Variants in ATP10B observed in about 807,000 individuals in gnomAD.
The protein encoded by ATP10B is phospholipid-transporting ATPase VB.
ATP10B carries 122 observed loss-of-function variants against 141.2 expected under a neutral mutation model. That is an observed-to-expected ratio of 0.86 (90% CI 0.75 to 1.00). The LOEUF (loss-of-function observed/expected upper bound fraction) is 1.00. ATP10B is among the 50% of genes least tolerant of loss of function. The pLI is 0.00. For synonymous variants in ATP10B, 685 were observed against 692.0 expected (o/e 0.99, Z 0.16); for missense variants, 1,876 against 1,825.3 (o/e 1.03, Z -0.51).
Position 160,730,313 on chromosome 5 carries a change from C to T in ATP10B, c.-330-13279G>A, listed in dbSNP as rs180955208. Among the ~76,000 whole-genome samples the T allele has an allele frequency of 1.4e-3, 208 of 152,174 alleles. 1 individual carries two copies. Among genetic ancestry groups the T allele is most frequent in the African/African-American group, 4.8e-3 (200 of 41,514 alleles). On this transcript the variant is annotated intron_variant, in intron 2 of 25. Transcript: ENST00000327245. ...CAAGTCTGTGTTCTCAACTTTCATA[C>T]CTGCTACCTGCTGTCTCATTTCATT...
intron 12 of ATP10B, chr5:160,633,432 C>T (rs1759080930): frequency 6.6e-6 from 1 of 152,070 alleles, no homozygotes; most frequent in African/African-American, 2.4e-5. Context: ...AACAGGAAAC[C>T]ATCAGCAAAC....
the ATP10B span, among the ~76,000 whole-genome samples, chr5:160,896,565 C>CA: frequency 1.3e-5 from 2 of 152,160 alleles, no homozygotes; most frequent in East Asian, 1.9e-4. Flanking sequence ...GCCTATTAAT[C>CA]AAAAAAAGCC....
At chr5:160,750,903 C>T (rs62390748) in intron 2 of ATP10B, among the ~76,000 whole-genome samples, 13,681 of 152,172 alleles carry the variant, frequency 0.09, 1,012 homozygotes, top group East Asian at 0.32. Context: ...ACCAGAAATG[C>T]CCCAGGACTT....
In ATP10B at chr5:160,645,734, AAAT is replaced by A. The variant is rs137983616; in HGVS notation, c.762-1493_762-1491del. 8.7e-3 allele frequency among the ~76,000 whole-genome samples: 1,327 copies of A among 152,320 alleles called. 16 individuals carry two copies. The highest frequency in any genetic ancestry group is 0.03 in the African/African-American group (1,248 of 41,562). On this transcript the variant is annotated intron_variant, in intron 8 of 25. Coordinates refer to ENST00000327245, the MANE Select transcript of ATP10B (RefSeq NM_025153.3). Reference sequence around the variant, plus strand: ...TCCAAACCTATTTGGGAGAACAAAAAAATAATAATCCGAACTCTTAGAGCTCTT... The same window carrying A: ...TCCAAACCTATTTGGGAGAACAAAAAAATAATCCGAACTCTTAGAGCTCTT...
In ATP10B at chr5:160,646,888, A is replaced by G. The variant is rs111376744; in HGVS notation, c.761+2283T>C. On this transcript the variant is annotated intron_variant, in intron 8 of 25. Coordinates refer to ENST00000327245, the MANE Select transcript of ATP10B (RefSeq NM_025153.3). ...GCCAGCATTTCTCAACCTTGGTGTT[A>G]TGAACATTTTGGACTACACAATTCT... Among the ~76,000 whole-genome samples, 311 of 152,316 alleles carry G rather than the reference A, an allele frequency of 2.0e-3. 1 individual carries two copies. The highest frequency in any genetic ancestry group is 7.1e-3 in the African/African-American group (295 of 41,560).
chr5:160,577,169 T>A (rs1279628827), intron 24 of ATP10B, among the ~76,000 whole-genome samples: 1 of 152,184 alleles, frequency 6.6e-6, no homozygotes, highest in African/African-American at 2.4e-5. Flanking sequence ...AATATCATCT[T>A]TTATAGCAAA....
the ATP10B span, among the ~76,000 whole-genome samples, chr5:160,890,217 A>G: frequency 5.9e-5 from 9 of 152,384 alleles, no homozygotes; most frequent in African/African-American, 1.9e-4. Context: ...TGTAGAATTA[A>G]TAAAGAAATT....
Position 160,636,067 on chromosome 5 carries a change from T to C in ATP10B, c.1128+115A>G, listed in dbSNP as rs1012648116. 7 of 1,238,802 alleles carry C rather than the reference T, an allele frequency of 5.7e-6. No homozygotes were observed. In the Admixed American group the frequency reaches 1.3e-4, roughly 23 times the overall value. 76.7% of individuals were successfully genotyped at this position (1,238,802 alleles called of 1,614,324 possible). On this transcript the variant is annotated intron_variant, in intron 11 of 25. Coordinates refer to ENST00000327245, the MANE Select transcript of ATP10B (RefSeq NM_025153.3). ...CAAGAAAGCGATGACCATCTCCTCA[T>C]CTCAATCCAGTTTGTACTTTCTAGT... is the stretch of plus-strand genomic sequence containing the variant.
At chr5:160,665,173 C>T (rs1202668837) in intron 7 of ATP10B, among the ~76,000 whole-genome samples, 1 of 152,082 alleles carries the variant, frequency 6.6e-6, no homozygotes, top group African/African-American at 2.4e-5. Flanking sequence ...TAGATTTAGT[C>T]CAAGAAGAAT....
chr5:160,922,883 T>C, the ATP10B span, among the ~76,000 whole-genome samples: 1 of 152,240 alleles, frequency 6.6e-6, no homozygotes, highest in African/African-American at 2.4e-5. Flanking sequence ...TCCCCACATA[T>C]AGCCCCTGCT....
chr5:160,654,181 T>C (rs1309111620), intron 7 of ATP10B, among the ~76,000 whole-genome samples: 2 of 151,524 alleles, frequency 1.3e-5, no homozygotes, highest in East Asian at 1.9e-4. Context: ...CCTAGGATGG[T>C]CTCAAACTCC....
chr5:160,756,043 C>T (rs1030312664), intron 2 of ATP10B, among the ~76,000 whole-genome samples: 1 of 151,190 alleles, frequency 6.6e-6, no homozygotes, highest in Admixed American at 6.6e-5. Context: ...TCCATCAACC[C>T]AGAAGCTTCT....
chr5:160,803,088 G>C (rs562087175), intron 1 of ATP10B, among the ~76,000 whole-genome samples: 2 of 152,252 alleles, frequency 1.3e-5, no homozygotes, highest in South Asian at 4.1e-4. Context: ...GGCTTCTGTT[G>C]GCTCACTTGG....
intron 13 of ATP10B, among the ~76,000 whole-genome samples, chr5:160,629,289 C>T (rs1758783215): frequency 1.3e-5 from 2 of 152,076 alleles, no homozygotes; most frequent in South Asian, 4.2e-4. Context: ...CTTCAAGGAT[C>T]TGACACCAGC....
chr5:160,885,123 A>T, the ATP10B span, among the ~76,000 whole-genome samples: 1 of 152,254 alleles, frequency 6.6e-6, no homozygotes, highest in Non-Finnish European at 1.5e-5. Flanking sequence ...GAATAGGCAG[A>T]GTATATAAAA....
intron 6 of ATP10B, among the ~76,000 whole-genome samples, chr5:160,682,062 T>C (rs1274626652): frequency 6.6e-6 from 1 of 152,242 alleles, no homozygotes; most frequent in Admixed American, 6.5e-5. Context: ...CTGCTTTTTA[T>C]AAACTATTCA....
intron 5 of ATP10B, 119 bp from the exon 6 acceptor site, chr5:160,686,392 A>T: frequency 1.5e-6 from 1 of 673,530 alleles, no homozygotes; most frequent in East Asian, 2.9e-5. Context: ...GTATCACCTC[A>T]AACATTATGG....
the ATP10B span, among the ~76,000 whole-genome samples, chr5:160,865,465 C>G: frequency 6.6e-6 from 1 of 151,948 alleles, no homozygotes; most frequent in Non-Finnish European, 1.5e-5. Context: ...TGAAACCATA[C>G]AAATTCTAGA....
At chr5:160,750,597 C>T (rs993431152) in intron 2 of ATP10B, among the ~76,000 whole-genome samples, 1 of 152,216 alleles carries the variant, frequency 6.6e-6, no homozygotes, top group African/African-American at 2.4e-5. Context: ...CCCTCTTTCC[C>T]TCCACCATCA....
Sources: gnomAD v4.1 joint callset for allele counts (sites outside exome capture counted in the v4.1 genomes callset) on GRCh38, gnomAD v4.1.1 for gene constraint, MANE v1.5 for transcripts, NCBI Gene and HGNC (gene_info 2026-07-23, HGNC 2026-07-21) for gene names.